LRP12: variants seen among roughly 807,000 people sequenced by gnomAD.
LRP12 encodes low-density lipoprotein receptor-related protein 12.
In LRP12, 14 loss-of-function variants were observed where a neutral mutation model predicts 66.0. The observed-to-expected ratio is 0.21, with a 90% CI of 0.14 to 0.33. The LOEUF (loss-of-function observed/expected upper bound fraction) is 0.33, where lower values mean the gene tolerates loss of function less well. Ranked by LOEUF, LRP12 falls within the 10% of genes least tolerant of loss-of-function variation. LRP12 has a pLI of 1.00. For synonymous variants in LRP12, 357 were observed against 359.1 expected, an observed-to-expected ratio of 0.99 and a Z score of 0.07; for missense variants, 889 against 1,053.4, an observed-to-expected ratio of 0.84 and a Z score of 2.16.
rs1483319405 is a variant in LRP12 at position 104,580,370 on chromosome 8, A to T, written c.79+8449T>A. Among the ~76,000 whole-genome samples the T allele has an allele frequency of 7.9e-5, 12 of 151,434 alleles. No individual in the cohort carries two copies. The South Asian group carries it at 1.2e-3, about 16-fold the overall frequency. On this transcript the variant is annotated intron_variant, in intron 1 of 6. Transcript: ENST00000276654. Reference sequence around the variant, plus strand: ...TCTCTACTAAAAATAAAAAAAAAAAAAAAAAAAAAATTAGCCGGGCATGGT... The same window carrying T: ...TCTCTACTAAAAATAAAAAAAAAAATAAAAAAAAAATTAGCCGGGCATGGT...
At chr8:104,496,859 T>C (rs1810736583) in intron 5 of LRP12, 113 bp downstream of exon 5, 3 of 1,021,740 alleles carry the variant, frequency 2.9e-6, no homozygotes, top group Admixed American at 3.6e-5. Flanking sequence ...ACAATCTTTA[T>C]CCATTTTCTA....
chr8:104,503,258 C>A (rs180957390), intron 3 of LRP12, among the ~76,000 whole-genome samples: 1,749 of 129,630 alleles, frequency 0.013, 41 homozygotes, highest in African/African-American at 0.05. Flanking sequence ...ACCCGGGAGG[C>A]AAAGGTTGCA....
intron 3 of LRP12, chr8:104,507,622 A>C (rs1810928672): frequency 6.6e-6 from 1 of 152,210 alleles, no homozygotes; most frequent in Non-Finnish European, 1.5e-5. Context: ...TCACACTACA[A>C]GTAACAGAAA....
In LRP12 at chr8:104,497,582, T is replaced by C. The variant is rs1291999446; in HGVS notation, c.970A>G (p.Asn324Asp). The C allele has an allele frequency of 1.9e-6, 3 of 1,613,612 alleles. No individual in the cohort carries two copies. Among genetic ancestry groups the C allele is most frequent in the Non-Finnish European group, 1.7e-6 (2 of 1,179,820 alleles). The change falls in exon 5 of 7, where the codon AAT becomes GAT. Residue 324 changes from asparagine (N) to aspartate (D), a missense_variant. Physicochemically the swap from Asn to Asp is conservative, Grantham distance 23. This residue lies in a region of LRP12 where 800 missense variants were observed against 964.5 expected (regional missense o/e 0.83). Transcript: ENST00000276654. The surrounding 1 kb of genome is among the most constrained non-coding windows in gnomAD (Gnocchi z 4.3). The part of the protein sequence containing the change: ...YVKIYDGLEE[N>D]PHKLLRVLTA... ...AACACACGCAAAAGCTTGTGTGGAT[T>C]CTCCTCTAATCCATCATATATTTTG...
intron 1 of LRP12, among the ~76,000 whole-genome samples, chr8:104,560,569 G>A (rs1811891338): frequency 1.3e-5 from 2 of 152,160 alleles, no homozygotes; most frequent in East Asian, 1.9e-4. Flanking sequence ...AGAATCTTGA[G>A]ATCAATTTGT....
rs1265608831 is a variant in LRP12 at position 104,507,359 on chromosome 8, T to C, written c.272+1580A>G. 2.0e-5 allele frequency: 3 copies of C among 152,214 alleles called. No homozygotes were observed. The East Asian group carries it at 5.8e-4, about 29-fold the overall frequency. 9.4% of individuals were successfully genotyped at this position (152,214 alleles called of 1,614,324 possible). A position where few individuals can be genotyped will look rare whatever the true frequency, so the allele number is the denominator to read the frequency against. The stretch of plus-strand genomic sequence containing the variant: ...GGGCTCACTTCAATTTTATTCTGCA[T>C]TTCAGTATTGTGCTTGGTTTTTAGT... On this transcript the variant is annotated intron_variant, in intron 3 of 6. Transcript: ENST00000276654.
intron 1 of LRP12, among the ~76,000 whole-genome samples, chr8:104,547,198 AT>A (rs1811583924): frequency 1.4e-5 from 2 of 140,456 alleles, no homozygotes. Context: ...GTTATATCAT[AT>A]TTTGTATATA....
rs755777774 is a variant in LRP12, at chr8:104,490,788, C to G, written c.2465G>C (p.Arg822Pro). The G allele has an allele frequency of 9.3e-6, 15 of 1,613,914 alleles. No individual in the cohort carries two copies. Among genetic ancestry groups the G allele is most frequent in the Non-Finnish European group, 1.3e-5 (15 of 1,179,996 alleles). ...ACCACAGCGCTCACAGGGGCCATCT[C>G]GATTACTTGGCCTTACTCCAGGATT... is the stretch of plus-strand genomic sequence containing the variant. ...ATNPGVRPSN[R>P]DGPCERCGIV... Residue 822 changes from arginine (R) to proline (P), a missense_variant, in exon 7 of 7, where the codon CGA (arginine) becomes CCA (proline). Transcript: ENST00000276654.
At chr8:104,544,862 C>T (rs1475039791) in intron 1 of LRP12, among the ~76,000 whole-genome samples, 1 of 152,156 alleles carries the variant, frequency 6.6e-6, no homozygotes, top group Non-Finnish European at 1.5e-5. Flanking sequence ...ACTCTGCTGC[C>T]CATGAATCAG....
chr8:104,562,088 C>T (rs1811918167), intron 1 of LRP12, among the ~76,000 whole-genome samples: 1 of 152,132 alleles, frequency 6.6e-6, no homozygotes, highest in Admixed American at 6.6e-5. Context: ...TTCTGGAAAA[C>T]AAATCCTGGC....
intron 1 of LRP12, among the ~76,000 whole-genome samples, chr8:104,577,932 C>T (rs1232119280): frequency 6.6e-6 from 1 of 151,810 alleles, no homozygotes; most frequent in African/African-American, 2.4e-5. Context: ...GCACTAAATG[C>T]CCACATCAAA....
At chr8:104,525,404 G>A (rs1811218535) in intron 2 of LRP12, among the ~76,000 whole-genome samples, 1 of 151,912 alleles carries the variant, frequency 6.6e-6, no homozygotes, top group Non-Finnish European at 1.5e-5. Context: ...TATCTTTCCT[G>A]GCAAGGATTT....
At chr8:104,544,448 T>C (rs1235668943) in intron 1 of LRP12, among the ~76,000 whole-genome samples, 2 of 152,294 alleles carry the variant, frequency 1.3e-5, no homozygotes, top group East Asian at 1.9e-4. Flanking sequence ...CAGCCTTCTA[T>C]TGGAAGAAGA....
At chr8:104,514,545 T>TAAAAA (rs565370904) in intron 2 of LRP12, among the ~76,000 whole-genome samples, 1 of 128,754 alleles carries the variant, frequency 7.8e-6, no homozygotes. Context: ...CGTCTCTACT[T>TAAAAA]AAAAAAAAAA....
chr8:104,528,751 G>A (rs1317171866), intron 2 of LRP12, among the ~76,000 whole-genome samples: 1 of 151,464 alleles, frequency 6.6e-6, no homozygotes, highest in Non-Finnish European at 1.5e-5. Flanking sequence ...CTCCAGCCTG[G>A]CCAACAGAGA....
chr8:104,497,382 A>G lies in LRP12; in HGVS notation c.1170T>C (p.Thr390=). Residue 390 remains threonine, a synonymous_variant, in exon 5 of 7, where the codon ACT becomes ACC. Transcript: ENST00000276654. This position sits in a 1 kb window ranked among gnomAD's most constrained non-coding sequence, Gnocchi z 4.3. ...AATACCCATCACAACGCTGCTGCTC[A>G]GTATAACACCCCCAGTTACCTCCAC... ...IPCGGNWGCY[T]EQQRCDGYWH... 1 of 1,614,006 alleles carries G rather than the reference A, an allele frequency of 6.2e-7. No individual in the cohort carries two copies. The highest frequency in any genetic ancestry group is 8.5e-7 in the Non-Finnish European group (1 of 1,179,944).
intron 6 of LRP12, among the ~76,000 whole-genome samples, chr8:104,494,111 A>G (rs1810682730): frequency 6.6e-6 from 1 of 152,156 alleles, no homozygotes; most frequent in Non-Finnish European, 1.5e-5. Context: ...GGTGGGTGGT[A>G]GAGAATGAAG....
At chr8:104,559,302 C>A (rs1418592642) in intron 1 of LRP12, among the ~76,000 whole-genome samples, 1 of 152,130 alleles carries the variant, frequency 6.6e-6, no homozygotes, top group Non-Finnish European at 1.5e-5. Context: ...ATGGCATTTG[C>A]AGCAACCTGG....
rs754539392 is a variant in LRP12, at chr8:104,491,355, C to T, written c.1898G>A (p.Ser633Asn). The T allele has an allele frequency of 6.2e-7, 1 of 1,614,086 alleles. No homozygotes were observed. Among genetic ancestry groups the T allele is most frequent in the East Asian group, 2.2e-5 (1 of 44,880 alleles). ...ATTTCTCTCAGGTTCTCTACTGGTA[C>T]TCTGACTAGGGACAACCTCATCTCC... ...ADGDEVVPSQ[S>N]TSREPERNHT... is the part of the protein sequence containing the mutation. Residue 633 changes from serine (S) to asparagine (N), a missense_variant, in exon 7 of 7, where the codon AGT becomes AAT. Ser to Asn is a conservative substitution (Grantham distance 46, BLOSUM62 1). Transcript: ENST00000276654.
Sources: allele counts gnomAD v4.1 joint callset (sites outside exome capture counted in the v4.1 genomes callset), GRCh38; gene constraint gnomAD v4.1.1; regional missense constraint gnomAD v4.1.1; non-coding constraint Gnocchi (gnomAD v3.1); transcripts MANE v1.5; gene names NCBI Gene and HGNC (gene_info 2026-07-23, HGNC 2026-07-21).